ADIPOR2: variants seen among roughly 807,000 people sequenced by gnomAD.
The protein encoded by ADIPOR2 is adiponectin receptor 2, also known as adiponectin receptor protein 2.
ADIPOR2 carries 18 observed loss-of-function variants against 40.9 expected under a neutral mutation model. That is an observed-to-expected ratio of 0.44 (90% CI 0.30 to 0.65). The LOEUF (loss-of-function observed/expected upper bound fraction) is 0.65, where lower values mean the gene tolerates loss of function less well. Ranked by LOEUF, ADIPOR2 falls within the 30% of genes least tolerant of loss-of-function variation. The pLI is 0.09. For synonymous variants in ADIPOR2, 165 were observed against 166.4 expected, an observed-to-expected ratio of 0.99 and a Z score of 0.06; for missense variants, 283 against 479.2, an observed-to-expected ratio of 0.59 and a Z score of 3.82.
chr12:1,734,723 T>G (rs2094726925), intron 1 of ADIPOR2, among the ~76,000 whole-genome samples: 1 of 152,224 alleles, frequency 6.6e-6, no homozygotes. Context: ...TTCTAGGGTT[T>G]TTAGGTTTTT....
chr12:1,698,522 C>T (rs1463162075), intron 1 of ADIPOR2, among the ~76,000 whole-genome samples: 2 of 151,820 alleles, frequency 1.3e-5, no homozygotes, highest in East Asian at 3.9e-4. Context: ...CATGACAGGC[C>T]CTGTGTGTGT....
intron 1 of ADIPOR2, among the ~76,000 whole-genome samples, chr12:1,728,270 G>A (rs11061951): frequency 0.041 from 6,150 of 151,640 alleles, 203 homozygotes; most frequent in East Asian, 0.17. Flanking sequence ...CTGCCACCAC[G>A]CCCGGCTAAT....
chr12:1,715,488 T>A (rs2080808550), intron 1 of ADIPOR2, among the ~76,000 whole-genome samples: 1 of 152,056 alleles, frequency 6.6e-6, no homozygotes, highest in Admixed American at 6.5e-5. Context: ...CTCCTGTGGT[T>A]TTGGTTTGTT....
rs529779421 is a variant in ADIPOR2 at position 1,695,050 on chromosome 12, C to G, written c.-87+3859C>G. ...TTTGTTTTGTTTTTTTAAGATCTCACTCTGTATCTCAGGCTGGAGTGCACT... is the reference window on the plus strand; with the variant it reads ...TTTGTTTTGTTTTTTTAAGATCTCAGTCTGTATCTCAGGCTGGAGTGCACT... On this transcript the variant is annotated intron_variant, in intron 1 of 7. Coordinates refer to ENST00000357103, the MANE Select transcript of ADIPOR2 (RefSeq NM_024551.3). Among the ~76,000 whole-genome samples the G allele has an allele frequency of 2.7e-5, 4 of 145,794 alleles. No individual in the cohort carries two copies. In the South Asian group the frequency reaches 9.0e-4, roughly 33 times the overall value.
chr12:1,737,342 G>GT (rs1027868549), intron 1 of ADIPOR2, among the ~76,000 whole-genome samples: 1 of 137,622 alleles, frequency 7.3e-6, no homozygotes, highest in African/African-American at 2.5e-5. Flanking sequence ...GTTTTTTGTT[G>GT]TTGTTTTTTT....
chr12:1,693,000 C>T (rs1220877288), intron 1 of ADIPOR2, among the ~76,000 whole-genome samples: 1 of 151,978 alleles, frequency 6.6e-6, no homozygotes, highest in East Asian at 1.9e-4. Context: ...ATTAAAACTA[C>T]AAAAATTAGC....
chr12:1,719,976 C>T (rs948596825), intron 1 of ADIPOR2, among the ~76,000 whole-genome samples: 1 of 152,132 alleles, frequency 6.6e-6, no homozygotes, highest in African/African-American at 2.4e-5. Context: ...CGTGTCTGTC[C>T]TCTTTTCATC....
At chr12:1,732,090 G>C (rs1254290183) in intron 1 of ADIPOR2, among the ~76,000 whole-genome samples, 2 of 151,898 alleles carry the variant, frequency 1.3e-5, no homozygotes, top group Non-Finnish European at 2.9e-5. Context: ...TCTACCCGCT[G>C]CTTGGTACCA....
At chr12:1,751,495 T>C (rs183426262) in intron 1 of ADIPOR2, among the ~76,000 whole-genome samples, 63 of 152,280 alleles carry the variant, frequency 4.1e-4, no homozygotes, top group Non-Finnish European at 7.5e-4. Context: ...TTCTAACTAA[T>C]GGAGCTTTTC....
chr12:1,762,653 G>A (rs1255368637), intron 2 of ADIPOR2, among the ~76,000 whole-genome samples: 2 of 152,190 alleles, frequency 1.3e-5, no homozygotes, highest in African/African-American at 4.8e-5. Context: ...AATAATGATA[G>A]TTCACTTTTA....
chr12:1,714,090 C>T (rs949280146), intron 1 of ADIPOR2, among the ~76,000 whole-genome samples: 2 of 152,040 alleles, frequency 1.3e-5, no homozygotes, highest in African/African-American at 2.4e-5. Flanking sequence ...CCAGTGATTG[C>T]CTTGGCATAG....
At chr12:1,711,719 C>CCT (rs1272975482) in intron 1 of ADIPOR2, among the ~76,000 whole-genome samples, 1 of 151,022 alleles carries the variant, frequency 6.6e-6, no homozygotes. Context: ...TCTGTCTCTT[C>CCT]CTCTCTCTCT....
chr12:1,777,819 A>G (rs1862630038), intron 3 of ADIPOR2, 35 bp from the exon 4 acceptor site: 1 of 1,587,528 alleles, frequency 6.3e-7, no homozygotes, highest in East Asian at 2.3e-5. Flanking sequence ...TGACAACTAA[A>G]ATCACAAAGA....
At chr12:1,761,925 G>T (rs1468574052) in intron 2 of ADIPOR2, among the ~76,000 whole-genome samples, 1 of 152,150 alleles carries the variant, frequency 6.6e-6, no homozygotes, top group Non-Finnish European at 1.5e-5. Context: ...GTTTCCCATT[G>T]CACTTATGGT....
intron 5 of ADIPOR2, 121 bp from the exon 6 acceptor site, chr12:1,780,768 G>GC: frequency 7.4e-7 from 1 of 1,360,474 alleles, no homozygotes; most frequent in Non-Finnish European, 9.8e-7. Context: ...AAATTAAAGA[G>GC]CAACCCAGTT....
At chr12:1,750,718 C>T (rs567847683) in intron 1 of ADIPOR2, among the ~76,000 whole-genome samples, 1 of 152,070 alleles carries the variant, frequency 6.6e-6, no homozygotes, top group African/African-American at 2.4e-5. Flanking sequence ...GTGATGTATT[C>T]TTATTTCATA....
At chr12:1,766,391 T>C (rs1862380934) in intron 2 of ADIPOR2, among the ~76,000 whole-genome samples, 1 of 152,184 alleles carries the variant, frequency 6.6e-6, no homozygotes, top group Admixed American at 6.5e-5. Context: ...GTGGAGGATG[T>C]GGTAGTAAGT....
At chr12:1,755,265 A>G (rs1862102041) in intron 2 of ADIPOR2, among the ~76,000 whole-genome samples, 1 of 151,988 alleles carries the variant, frequency 6.6e-6, no homozygotes, top group African/African-American at 2.4e-5. Flanking sequence ...TTTTTAGTAG[A>G]GATGGAGTTT....
chr12:1,787,599 C>G lies in ADIPOR2; in HGVS notation c.*1527C>G, dbSNP rs573611367. The G allele has an allele frequency of 6.6e-6, 1 of 152,116 alleles. No homozygotes were observed. Among genetic ancestry groups the G allele is most frequent in the Non-Finnish European group, 1.5e-5 (1 of 68,032 alleles). 9.4% of individuals were successfully genotyped at this position (152,116 alleles called of 1,614,324 possible). On this transcript the variant is annotated 3_prime_UTR_variant, in exon 8 of 8. Transcript: ENST00000357103. The stretch of plus-strand genomic sequence containing the variant: ...CTGATCTTGGCCCATAGGTGAACCA[C>G]CAAAATAGTGCTCGAGTCTTAGGTT...
Sources: gnomAD v4.1 joint callset for allele counts (sites outside exome capture counted in the v4.1 genomes callset) on GRCh38, gnomAD v4.1.1 for gene constraint, MANE v1.5 for transcripts, NCBI Gene and HGNC (gene_info 2026-07-23, HGNC 2026-07-21) for gene names.